The following ILRUN variants were observed in gnomAD, a reference collection of about 807,000 sequenced individuals.
The protein encoded by ILRUN is inflammation and lipid regulator with UBA-like and NBR1-like domains, also known as protein ILRUN.
ILRUN carries 3 observed loss-of-function variants against 33.8 expected under a neutral mutation model. The ratio of observed to expected loss-of-function variants is 0.09; its 90% CI spans 0.04 to 0.23. The LOEUF is 0.23. Among genes scored for constraint, ILRUN ranks in the 10% least tolerant of loss-of-function variants. The pLI is 1.00. For synonymous variants in ILRUN, 124 were observed against 138.9 expected (o/e 0.89, Z 0.75); for missense variants, 210 against 375.1 (o/e 0.56, Z 3.64).
intron 2 of ILRUN, among the ~76,000 whole-genome samples, chr6:34,650,393 T>TTTTA (rs1240463602): frequency 1.8e-4 from 26 of 148,238 alleles, no homozygotes; most frequent in African/African-American, 5.5e-4. Context: ...AGGAGCTTAA[T>TTTTA]TTTATTTATT....
chr6:34,684,238 T>A (rs896466494), intron 1 of ILRUN, among the ~76,000 whole-genome samples: 1 of 152,196 alleles, frequency 6.6e-6, no homozygotes, highest in Non-Finnish European at 1.5e-5. Flanking sequence ...GCTTTCCAGT[T>A]CACACACCTT....
chr6:34,599,165 C>T (rs181866403), intron 4 of ILRUN, among the ~76,000 whole-genome samples: 8 of 152,350 alleles, frequency 5.3e-5, no homozygotes, highest in African/African-American at 1.9e-4. Context: ...TTCCAGCCTG[C>T]AGCCCACCTT....
chr6:34,648,946 G>A (rs1762608854), intron 2 of ILRUN, among the ~76,000 whole-genome samples: 1 of 152,214 alleles, frequency 6.6e-6, no homozygotes, highest in Non-Finnish European at 1.5e-5. Flanking sequence ...AAGCAGCTGA[G>A]ATGATTGGGT....
intron 4 of ILRUN, among the ~76,000 whole-genome samples, chr6:34,591,761 T>A (rs1210326060): frequency 6.6e-6 from 1 of 152,064 alleles, no homozygotes; most frequent in African/African-American, 2.4e-5. Context: ...AGTGCTGGGA[T>A]TACAGGTGTG....
intron 4 of ILRUN, among the ~76,000 whole-genome samples, chr6:34,598,731 T>C (rs983630252): frequency 3.3e-5 from 5 of 152,242 alleles, no homozygotes; most frequent in Admixed American, 1.3e-4. Flanking sequence ...CTCAGTCAGA[T>C]AGTAATGTTA....
intron 4 of ILRUN, among the ~76,000 whole-genome samples, chr6:34,595,283 A>G (rs2744977): frequency 0.17 from 25,247 of 152,232 alleles, 2,308 homozygotes; most frequent in African/African-American, 0.23. Context: ...GTCCTTTCTA[A>G]AATTATACAG....
chr6:34,649,943 G>A (rs1469068426), intron 2 of ILRUN, among the ~76,000 whole-genome samples: 1 of 152,054 alleles, frequency 6.6e-6, no homozygotes, highest in African/African-American at 2.4e-5. Context: ...GAAAAATGGG[G>A]GAAATAATTG....
chr6:34,637,502 A>G (rs1407940187), intron 3 of ILRUN, among the ~76,000 whole-genome samples: 1 of 152,194 alleles, frequency 6.6e-6, no homozygotes, highest in Non-Finnish European at 1.5e-5. Context: ...ACCATGAGTA[A>G]AAAAAGGTGC....
At chr6:34,655,210 C>T (rs1031160324) in intron 1 of ILRUN, among the ~76,000 whole-genome samples, 2 of 152,106 alleles carry the variant, frequency 1.3e-5, no homozygotes, top group Admixed American at 1.3e-4. Flanking sequence ...CTCCTGAGCT[C>T]AAGCGATCCA....
At chr6:34,617,796 T>C (rs1761929155) in intron 3 of ILRUN, among the ~76,000 whole-genome samples, 1 of 152,204 alleles carries the variant, frequency 6.6e-6, no homozygotes, top group East Asian at 1.9e-4. Flanking sequence ...AGGAATTTCC[T>C]TTTAAAATGC....
At chr6:34,637,317 G>T (rs1486362216) in intron 3 of ILRUN, among the ~76,000 whole-genome samples, 1 of 152,202 alleles carries the variant, frequency 6.6e-6, no homozygotes, top group Middle Eastern at 3.4e-3. Flanking sequence ...AACAGTCAAT[G>T]GTTTTACAAC....
rs1021075215 is a variant in ILRUN at position 34,590,447 on chromosome 6, G to A, written c.*118C>T. The stretch of plus-strand genomic sequence containing the variant: ...TTCTTCCTCTTCTTCCGGGATGAGA[G>A]GGGGTCAGAGCCAGGGGTCTGTGCG... On this transcript the variant is annotated 3_prime_UTR_variant, in exon 5 of 5. Coordinates refer to ENST00000374023, the MANE Select transcript of ILRUN (RefSeq NM_024294.4). 1 of 1,439,322 alleles carries A rather than the reference G, an allele frequency of 6.9e-7. No individual in the cohort carries two copies. Among genetic ancestry groups the A allele is most frequent in the African/African-American group, 1.4e-5 (1 of 70,940 alleles). The allele number at this position is 1,439,322 out of a possible 1,614,324, so 89.2% of individuals were successfully genotyped here.
rs1189830968 is a variant in ILRUN at position 34,658,484 on chromosome 6, C to CT, written c.159-3706dup. Among the ~76,000 whole-genome samples, 4 of 133,250 alleles carry CT rather than the reference C, an allele frequency of 3.0e-5. No individual in the cohort carries two copies. The South Asian group carries it at 9.4e-4, about 31-fold the overall frequency. 87.4% of individuals were successfully genotyped at this position (133,250 alleles called of 152,430 possible). On this transcript the variant is annotated intron_variant, in intron 1 of 4. Coordinates refer to ENST00000374023, the MANE Select transcript of ILRUN (RefSeq NM_024294.4). ...ATTTTACCACAATGAAATAATTTTT[C>CT]TTTTTCTTTTTTTTTTTTTTTTTTA...
intron 4 of ILRUN, among the ~76,000 whole-genome samples, chr6:34,603,491 CG>C (rs1761560644): frequency 1.3e-5 from 2 of 152,120 alleles, no homozygotes; most frequent in Admixed American, 6.6e-5. Context: ...GAAAATTGGC[CG>C]GGCGTAGTGG....
At chr6:34,693,342 T>C (rs541987716) in intron 1 of ILRUN, among the ~76,000 whole-genome samples, 28 of 152,290 alleles carry the variant, frequency 1.8e-4, no homozygotes, top group Non-Finnish European at 2.9e-4. Context: ...AACTTCTCAA[T>C]TTCTCTAAAG....
intron 3 of ILRUN, among the ~76,000 whole-genome samples, chr6:34,641,607 T>C (rs1762477064): frequency 6.6e-6 from 1 of 152,146 alleles, no homozygotes; most frequent in African/African-American, 2.4e-5. Context: ...CATTCATATA[T>C]ACTTCTGTCA....
intron 4 of ILRUN, among the ~76,000 whole-genome samples, chr6:34,595,245 T>G (rs1185169653): frequency 6.6e-6 from 1 of 152,256 alleles, no homozygotes; most frequent in African/African-American, 2.4e-5. Flanking sequence ...ACTTATCTTA[T>G]GTGAGGGTAA....
In ILRUN at chr6:34,684,760, A is replaced by C. The variant is rs1051982255; in HGVS notation, c.158+11686T>G. ...TCTAAGTAGGAGAAACAAGTTTAAA[A>C]TTGGGAGAGCAAAAGTTTACGTGGG... is the stretch of plus-strand genomic sequence containing the variant. On this transcript the variant is annotated intron_variant, in intron 1 of 4. Transcript: ENST00000374023. Among the ~76,000 whole-genome samples the C allele has an allele frequency of 3.8e-4, 58 of 152,232 alleles. 1 individual carries two copies. The highest frequency in any genetic ancestry group is 1.4e-3 in the African/African-American group (58 of 41,454).
At chr6:34,629,346 T>G (rs1762200348) in intron 3 of ILRUN, among the ~76,000 whole-genome samples, 1 of 152,214 alleles carries the variant, frequency 6.6e-6, no homozygotes, top group Non-Finnish European at 1.5e-5. Context: ...ACAGAGTTGC[T>G]TGTAATATTT....
Sources: allele counts gnomAD v4.1 joint callset (sites outside exome capture counted in the v4.1 genomes callset), GRCh38; gene constraint gnomAD v4.1.1; transcripts MANE v1.5; gene names NCBI Gene and HGNC (gene_info 2026-07-23, HGNC 2026-07-21).